The following KIFC3 variants were observed in gnomAD, a reference collection of about 807,000 sequenced individuals.
KIFC3 encodes kinesin family member C3, also known as kinesin-like protein KIFC3.
In KIFC3, 60 loss-of-function variants were observed where a neutral mutation model predicts 101.8. The observed-to-expected ratio is 0.59, with a 90% CI of 0.48 to 0.73. The LOEUF is 0.73. Among genes scored for constraint, KIFC3 ranks in the 30% least tolerant of loss-of-function variants. The pLI, the probability that KIFC3 is intolerant of heterozygous loss-of-function variation, is 0.00. For synonymous variants in KIFC3, 476 were observed against 482.7 expected (o/e 0.99, Z 0.18); for missense variants, 966 against 1,137.1 (o/e 0.85, Z 2.16).
intron 1 of KIFC3, chr16:57,810,630 C>T: frequency 1.0e-6 from 1 of 985,374 alleles, no homozygotes; most frequent in Non-Finnish European, 1.2e-6. Flanking sequence ...CCCCAGACAA[C>T]CAGAATGTGC....
chr16:57,783,297 A>G (rs1281898359), intron 3 of KIFC3, among the ~76,000 whole-genome samples: 1 of 152,178 alleles, frequency 6.6e-6, no homozygotes, highest in East Asian at 1.9e-4. Context: ...GGCAAGGAGC[A>G]TGGGGAGTGA....
rs181441681 is a variant in KIFC3, at chr16:57,766,098, T to A, written c.1331-458A>T. On this transcript the variant is annotated intron_variant, in intron 10 of 19. Coordinates refer to ENST00000445690, the MANE Select transcript of KIFC3 (RefSeq NM_001130100.2). ...GCAGCAGGTGATGACTGGTGGTGTATCTGAGGGCCCAGATAGTGGGGCAGC... is the reference window on the plus strand; with the variant it reads ...GCAGCAGGTGATGACTGGTGGTGTAACTGAGGGCCCAGATAGTGGGGCAGC... 4.4e-3 allele frequency among the ~76,000 whole-genome samples: 666 copies of A among 152,280 alleles called. 9 individuals are homozygous for A. The highest frequency in any genetic ancestry group is 0.015 in the African/African-American group (639 of 41,554).
rs935704380 is a variant in KIFC3, at chr16:57,816,258, A to G, written c.109-17976T>C. 4 of 1,288,874 alleles carry G rather than the reference A, an allele frequency of 3.1e-6. No individual in the cohort carries two copies. The African/African-American group carries it at 6.1e-5, about 20-fold the overall frequency. The allele number at this position is 1,288,874 out of a possible 1,614,324, so 79.8% of individuals were successfully genotyped here. On this transcript the variant is annotated intron_variant, in intron 1 of 2. Coordinates refer to the KIFC3 transcript ENST00000563028. ...GGCCCGGAAAGTGTCAACCCAAATC[A>G]CGACACTCCTTGCCCCAAACCCAGA...
rs2050861184 is a variant in KIFC3 at position 57,769,282 on chromosome 16, T to A, written c.1218+313A>T. Among the ~76,000 whole-genome samples, 1 of 152,156 alleles carries A rather than the reference T, an allele frequency of 6.6e-6. No individual in the cohort carries two copies. The highest frequency in any genetic ancestry group is 1.5e-5 in the Non-Finnish European group (1 of 68,030). ...AACTCCTGACCTCAAGTGATCCGCC[T>A]GCCTCGGCCTCCCAAAGTGTTGGAA... On this transcript the variant is annotated intron_variant, in intron 9 of 19. Coordinates refer to ENST00000445690, the MANE Select transcript of KIFC3 (RefSeq NM_001130100.2). The surrounding 1 kb of genome is among the most constrained non-coding windows in gnomAD (Gnocchi z 4.3).
chr16:57,759,957 G>A, intron 17 of KIFC3, 121 bp from the exon 18 acceptor site: 1 of 709,312 alleles, frequency 1.4e-6, no homozygotes. Context: ...CTGCAAAATG[G>A]GCATGATGTT....
intron 1 of KIFC3, among the ~76,000 whole-genome samples, chr16:57,826,670 G>A (rs1555630835): frequency 2.6e-5 from 4 of 152,320 alleles, no homozygotes; most frequent in Non-Finnish European, 4.4e-5. Context: ...GAGAGGAAGA[G>A]AACAGGTGCA....
intron 3 of KIFC3, among the ~76,000 whole-genome samples, chr16:57,780,137 G>C (rs1555613661): frequency 1.3e-5 from 2 of 152,154 alleles, no homozygotes; most frequent in Non-Finnish European, 1.5e-5. Context: ...ATTTGGGTGG[G>C]GACACAGAGC....
chr16:57,794,284 GTGCAGTGGTGCAATCAC>G (rs1370259139), intron 3 of KIFC3, among the ~76,000 whole-genome samples: 1 of 150,852 alleles, frequency 6.6e-6, no homozygotes, highest in African/African-American at 2.4e-5. Flanking sequence ...GCAGGCTGGA[GTGCAGTGGTGCAATCAC>G]TGCAGCCTCA....
At chr16:57,803,268 A>G, upstream of KIFC3, 1 of 698,388 alleles carries the variant, frequency 1.4e-6, no homozygotes, top group Non-Finnish European at 2.6e-6. Flanking sequence ...GGGGGAGGCC[A>G]GGGGCCTGCC....
At chr16:57,823,623 C>T (rs375825154) in intron 1 of KIFC3, among the ~76,000 whole-genome samples, 3 of 152,172 alleles carry the variant, frequency 2.0e-5, no homozygotes, top group East Asian at 1.9e-4. Flanking sequence ...GCAAGAGTCT[C>T]ACTCTGTTGC....
chr16:57,847,015 T>A (rs2055934158), intron 1 of KIFC3, among the ~76,000 whole-genome samples: 1 of 151,130 alleles, frequency 6.6e-6, no homozygotes, highest in African/African-American at 2.4e-5. Flanking sequence ...TGAAACCCCA[T>A]CTCTACTAAA....
chr16:57,815,868 G>C (rs2055210492), intron 1 of KIFC3, among the ~76,000 whole-genome samples: 1 of 152,194 alleles, frequency 6.6e-6, no homozygotes. Flanking sequence ...CACATGCAGT[G>C]CTTGGTGCCT....
At chr16:57,798,318 C>T (rs1555624214) in intron 1 of KIFC3, 36 bp from the exon 2 acceptor site, 6 of 1,521,492 alleles carry the variant, frequency 3.9e-6, no homozygotes, top group African/African-American at 1.4e-5. Flanking sequence ...GCTTGAAGAC[C>T]GTGGACCAGC....
upstream of KIFC3, among the ~76,000 whole-genome samples, chr16:57,808,231 A>G (rs757995765): frequency 5.9e-5 from 9 of 152,144 alleles, no homozygotes; most frequent in African/African-American, 1.7e-4. Flanking sequence ...GAGGAATGCA[A>G]ACATTGAGGA....
In KIFC3 at chr16:57,845,678, C is replaced by T. The variant is rs372146036; in HGVS notation, c.108+17051G>A. On this transcript the variant is annotated intron_variant, in intron 1 of 2. Transcript: ENST00000563028. ...CTGATCTCCTTAGTTAAAATCACAA[C>T]TCACTCCTCATCTTCCACCTCTGCC... Among the ~76,000 whole-genome samples the T allele has an allele frequency of 2.6e-5, 4 of 152,300 alleles. No homozygotes were observed. In the South Asian group the frequency reaches 8.3e-4, roughly 32 times the overall value.
intron 5 of KIFC3, 26 bp from the exon 6 acceptor site, chr16:57,771,463 G>A (rs1555608265): frequency 1.2e-6 from 2 of 1,612,526 alleles, no homozygotes; most frequent in Non-Finnish European, 1.7e-6. Flanking sequence ...GGCACTGGAT[G>A]AGTGCAAGGG....
chr16:57,843,606 T>C (rs1387039164), intron 1 of KIFC3, among the ~76,000 whole-genome samples: 1 of 150,226 alleles, frequency 6.7e-6, no homozygotes, highest in Non-Finnish European at 1.5e-5. Flanking sequence ...AGCCCAGGAG[T>C]TCAAGACTAG....
At chr16:57,832,047 G>C (rs974095734) in intron 1 of KIFC3, among the ~76,000 whole-genome samples, 1 of 152,036 alleles carries the variant, frequency 6.6e-6, no homozygotes, top group African/African-American at 2.4e-5. Context: ...TTAAGACAGA[G>C]TCTCGTTCTG....
chr16:57,836,519 A>G (rs2055691331), intron 1 of KIFC3, among the ~76,000 whole-genome samples: 1 of 152,162 alleles, frequency 6.6e-6, no homozygotes, highest in African/African-American at 2.4e-5. Flanking sequence ...CAGCCCAGGC[A>G]AGGTCAAGAA....
Sources: gnomAD v4.1 joint callset for allele counts (sites outside exome capture counted in the v4.1 genomes callset) on GRCh38, gnomAD v4.1.1 for gene constraint, Gnocchi (gnomAD v3.1) non-coding constraint, MANE v1.5 for transcripts, NCBI Gene and HGNC (gene_info 2026-07-23, HGNC 2026-07-21) for gene names.